C12orf54: variants seen among roughly 807,000 people sequenced by gnomAD.
C12orf54 encodes chromosome 12 open reading frame 54, also known as uncharacterized protein C12orf54.
In C12orf54, 24 loss-of-function variants were observed where a neutral mutation model predicts 26.4. That is an observed-to-expected ratio of 0.91 (90% CI 0.66 to 1.28). The LOEUF (loss-of-function observed/expected upper bound fraction) is 1.28. C12orf54 is among the 50% of genes most tolerant of loss of function. The probability of loss-of-function intolerance (pLI) is 0.00; values close to 1 mark genes in which losing one functional copy is unlikely to be tolerated. For missense variants in C12orf54, 154 were observed against 150.9 expected (o/e 1.02, Z -0.11); for synonymous variants, 54 against 47.0 (o/e 1.15, Z -0.61).
the C12orf54 span, among the ~76,000 whole-genome samples, chr12:48,456,792 T>C: frequency 6.6e-6 from 1 of 152,178 alleles, no homozygotes; most frequent in African/African-American, 2.4e-5. Context: ...CTGTTAATTA[T>C]CAGCTTTTTT....
At chr12:48,434,328 C>A in the C12orf54 span, among the ~76,000 whole-genome samples, 1 of 152,358 alleles carries the variant, frequency 6.6e-6, no homozygotes, top group Non-Finnish European at 1.5e-5. Context: ...TAGGCTCCAC[C>A]TCTGGGGGCA....
chr12:48,488,791 A>C, intron 4 of C12orf54, 133 bp from the exon 5 acceptor site: 2 of 742,418 alleles, frequency 2.7e-6, no homozygotes, highest in Non-Finnish European at 4.6e-6. Flanking sequence ...CTACAAAGCC[A>C]CAGTCTCTTG....
At chr12:48,489,001 T>TGGG (rs1937723448) in intron 5 of C12orf54, 45 bp downstream of exon 5, 1 of 1,577,350 alleles carries the variant, frequency 6.3e-7, no homozygotes, top group Non-Finnish European at 8.7e-7. Flanking sequence ...CCCCATCATG[T>TGGG]GCCTTGATCC....
chr12:48,454,054 G>A, the C12orf54 span, among the ~76,000 whole-genome samples: 1 of 150,388 alleles, frequency 6.6e-6, no homozygotes, highest in South Asian at 2.1e-4. Context: ...TTATAGGAAG[G>A]AAAATCAAGA....
At chr12:48,476,357 C>A in the C12orf54 span, among the ~76,000 whole-genome samples, 5 of 152,290 alleles carry the variant, frequency 3.3e-5, no homozygotes, top group Non-Finnish European at 7.3e-5. Flanking sequence ...AAATAACCAG[C>A]TAACATCATA....
upstream of C12orf54, among the ~76,000 whole-genome samples, chr12:48,478,047 C>G (rs1954161610): frequency 6.6e-6 from 1 of 152,170 alleles, no homozygotes; most frequent in Admixed American, 6.5e-5. Flanking sequence ...AGCTTATCCA[C>G]CATGATCAAG....
the C12orf54 span, among the ~76,000 whole-genome samples, chr12:48,438,454 C>A: frequency 6.6e-6 from 1 of 152,204 alleles, no homozygotes; most frequent in Non-Finnish European, 1.5e-5. Flanking sequence ...CAAGTCAATT[C>A]TAAGCCAAAA....
the C12orf54 span, among the ~76,000 whole-genome samples, chr12:48,446,065 C>T: frequency 4.6e-5 from 7 of 152,158 alleles, no homozygotes; most frequent in African/African-American, 7.2e-5. Context: ...AAAGGACAGA[C>T]GGAAAACATA....
the C12orf54 span, among the ~76,000 whole-genome samples, chr12:48,443,993 T>C: frequency 1.3e-5 from 2 of 152,190 alleles, no homozygotes. Context: ...AGTTTAACAA[T>C]AAACAGCACA....
chr12:48,486,259 G>A, intron 3 of C12orf54, 51 bp downstream of exon 3: 4 of 1,553,950 alleles, frequency 2.6e-6, no homozygotes, highest in Non-Finnish European at 2.7e-6. Context: ...CTAATTCCTA[G>A]GGAGAGGGGA....
the C12orf54 span, among the ~76,000 whole-genome samples, chr12:48,470,866 G>A: frequency 6.6e-6 from 1 of 151,102 alleles, no homozygotes; most frequent in Non-Finnish European, 1.5e-5. Context: ...TATACTTATG[G>A]CGTACATGGG....
chr12:48,479,072 T>C (rs573549836), upstream of C12orf54, among the ~76,000 whole-genome samples: 52 of 152,320 alleles, frequency 3.4e-4, no homozygotes, highest in African/African-American at 1.2e-3. Context: ...CGTATGTTTA[T>C]TGCGGCACTA....
the C12orf54 span, among the ~76,000 whole-genome samples, chr12:48,425,817 C>G: frequency 1.3e-5 from 2 of 152,018 alleles, no homozygotes; most frequent in Non-Finnish European, 2.9e-5. Context: ...ATTTGCATTT[C>G]TCTAATGATC....
At chr12:48,444,689 A>G in the C12orf54 span, among the ~76,000 whole-genome samples, 1 of 152,122 alleles carries the variant, frequency 6.6e-6, no homozygotes, top group Non-Finnish European at 1.5e-5. Context: ...TCAAACTCTG[A>G]ATCCAAATTT....
At chr12:48,479,953 G>A (rs73298779), upstream of C12orf54, among the ~76,000 whole-genome samples, 9,768 of 152,028 alleles carry the variant, frequency 0.064, 1,056 homozygotes, top group African/African-American at 0.22. Flanking sequence ...TGAACTGCTA[G>A]GTGAGGGAGA....
the C12orf54 span, among the ~76,000 whole-genome samples, chr12:48,440,796 A>C: frequency 6.6e-6 from 1 of 152,236 alleles, no homozygotes; most frequent in South Asian, 2.1e-4. Context: ...CTATACTTGC[A>C]ATTCTATTGT....
chr12:48,443,955 G>A, the C12orf54 span, among the ~76,000 whole-genome samples: 61 of 152,282 alleles, frequency 4.0e-4, no homozygotes, highest in African/African-American at 9.1e-4. Context: ...CTTTGGAATC[G>A]AGTCCATACT....
At chr12:48,454,683 T>G in the C12orf54 span, among the ~76,000 whole-genome samples, 1 of 152,242 alleles carries the variant, frequency 6.6e-6, no homozygotes, top group African/African-American at 2.4e-5. Flanking sequence ...AAAATTATAC[T>G]TTGACTCTCT....
chr12:48,492,749 T>G (rs1937818907), intron 6 of C12orf54, 198 bp from the exon 7 acceptor site: 1 of 591,942 alleles, frequency 1.7e-6, no homozygotes, highest in South Asian at 1.9e-5. Flanking sequence ...CATGATCCGC[T>G]CTGCTTCACA....
Sources: allele counts gnomAD v4.1 joint callset (sites outside exome capture counted in the v4.1 genomes callset), GRCh38; gene constraint gnomAD v4.1.1; transcripts MANE v1.5; gene names NCBI Gene and HGNC (gene_info 2026-07-23, HGNC 2026-07-21).